The following CFAP53 variants were observed in gnomAD, a reference collection of about 807,000 sequenced individuals.
The protein encoded by CFAP53 is cilia and flagella associated protein 53, also known as cilia- and flagella-associated protein 53.
In CFAP53, 62 loss-of-function variants were observed where a neutral mutation model predicts 59.7. That is an observed-to-expected ratio of 1.04 (90% confidence interval 0.85 to 1.28). The LOEUF (loss-of-function observed/expected upper bound fraction) is 1.28, where lower values mean the gene tolerates loss of function less well. Ranked by LOEUF, CFAP53 falls within the 50% of genes most tolerant of loss-of-function variation. The pLI, the probability that CFAP53 is intolerant of heterozygous loss-of-function variation, is 0.00. For missense variants in CFAP53, 629 were observed against 615.6 expected, an observed-to-expected ratio of 1.02 and a Z score of -0.23; for synonymous variants, 218 against 205.7, an observed-to-expected ratio of 1.06 and a Z score of -0.51.
At chr18:50,258,790 C>T (rs2033866934) in intron 3 of CFAP53, among the ~76,000 whole-genome samples, 1 of 152,058 alleles carries the variant, frequency 6.6e-6, no homozygotes, top group South Asian at 2.1e-4. Context: ...AAAAAATGGA[C>T]AAAAGATTTC....
At chr18:50,258,032 G>A (rs1185491176) in intron 3 of CFAP53, among the ~76,000 whole-genome samples, 15 of 151,974 alleles carry the variant, frequency 9.9e-5, no homozygotes, top group Admixed American at 8.5e-4. Flanking sequence ...CTCCAGGCTG[G>A]ACAACTGAGT....
intron 5 of CFAP53, among the ~76,000 whole-genome samples, chr18:50,243,536 TCAA>T (rs1455551346): frequency 6.6e-6 from 1 of 152,244 alleles, no homozygotes; most frequent in Non-Finnish European, 1.5e-5. Context: ...CCTAATCTGA[TCAA>T]CAAAATAAGT....
intron 3 of CFAP53, among the ~76,000 whole-genome samples, chr18:50,253,906 A>G (rs2033823773): frequency 6.6e-6 from 1 of 152,162 alleles, no homozygotes; most frequent in African/African-American, 2.4e-5. Context: ...ACACCCCAAA[A>G]CAAACCCTCG....
chr18:50,250,021 C>T (rs2033782199), intron 5 of CFAP53, among the ~76,000 whole-genome samples: 1 of 151,938 alleles, frequency 6.6e-6, no homozygotes, highest in Non-Finnish European at 1.5e-5. Flanking sequence ...CCACTCCAGA[C>T]CAGGCTGGGC....
chr18:50,251,682 CCTGCTCAG>C lies in CFAP53; in HGVS notation c.568_575del (p.Leu190AlafsTer70), dbSNP rs769454158. The C allele has an allele frequency of 6.2e-7, 1 of 1,614,250 alleles. No homozygotes were observed. Among genetic ancestry groups the C allele is most frequent in the Admixed American group, 1.7e-5 (1 of 60,030 alleles). ...ACATCTGCTCTTCCACCAGCTTTTG[CCTGCTCAG>C]CTCCTCATTAAATGCAATCTGTGCT... On this transcript the variant is annotated frameshift_variant, in exon 4 of 8. Coordinates refer to ENST00000398545, the MANE Select transcript of CFAP53 (RefSeq NM_145020.5). LOFTEE classifies it high-confidence loss of function.
chr18:50,227,901 T>C (rs1178467153), intron 7 of CFAP53, among the ~76,000 whole-genome samples: 2 of 151,572 alleles, frequency 1.3e-5, no homozygotes, highest in South Asian at 2.1e-4. Context: ...CCCTTACTCT[T>C]CTCTATGGGT....
chr18:50,227,312 G>C lies in CFAP53; in HGVS notation c.*69C>G. The C allele has an allele frequency of 3.3e-6, 4 of 1,222,338 alleles. No homozygotes were observed. Among genetic ancestry groups the C allele is most frequent in the Non-Finnish European group, 4.7e-6 (4 of 859,884 alleles). 75.7% of individuals were successfully genotyped at this position (1,222,338 alleles called of 1,614,324 possible). A position where few individuals can be genotyped will look rare whatever the true frequency, so the allele number is the denominator to read the frequency against. On this transcript the variant is annotated 3_prime_UTR_variant, in exon 8 of 8. Transcript: ENST00000398545. ...AGAAAAGTTTATCCAGGAGTTAAAA[G>C]AAGCATACAAGCATACTGTAGTTAA...
At position 50,251,483 on chromosome 18, in the gene CFAP53, C is replaced by T. The variant is rs1159879676; in HGVS notation, c.775G>A (p.Val259Met). The change falls in exon 4 of 8, where the codon GTG becomes ATG. Residue 259 changes from valine to methionine, a missense_variant and splice_region_variant. Transcript: ENST00000398545. ...QLLKEEEARL[V>M]ESNNAQIKHE... is the part of the protein sequence containing the mutation. ...TAACAAGCATTTTAAAGGCCCACCA[C>T]AAGGCGTGCCTCCTCTTCCTTCAGC... is the stretch of plus-strand genomic sequence containing the variant. 3.7e-6 allele frequency: 6 copies of T among 1,611,766 alleles called. No individual in the cohort carries two copies. The highest frequency in any genetic ancestry group is 5.1e-6 in the Non-Finnish European group (6 of 1,179,396).
intron 1 of CFAP53, 106 bp from the exon 2 acceptor site, chr18:50,262,325 T>C: frequency 1.2e-6 from 1 of 867,748 alleles, no homozygotes; most frequent in South Asian, 1.7e-5. Context: ...AAATTGGGTA[T>C]AAAAAACTAA....
rs892726956 is a variant in CFAP53 at position 50,247,917 on chromosome 18, A to G, written c.996+2841T>C. Among the ~76,000 whole-genome samples, 8 of 152,344 alleles carry G rather than the reference A, an allele frequency of 5.3e-5. No individual in the cohort carries two copies. In the East Asian group the frequency reaches 1.5e-3, roughly 29 times the overall value. On this transcript the variant is annotated intron_variant, in intron 5 of 7. Coordinates refer to ENST00000398545, the MANE Select transcript of CFAP53 (RefSeq NM_145020.5). ...AAAATCCACTGAATTGTATGGTTTA[A>G]ACTGGGGAACTGGATGTTATGTGAA... is the stretch of plus-strand genomic sequence containing the variant.
chr18:50,237,379 C>T (rs74934782), intron 7 of CFAP53, among the ~76,000 whole-genome samples: 2 of 61,078 alleles, frequency 3.3e-5, no homozygotes, highest in East Asian at 5.1e-4. Context: ...CACACACACA[C>T]ACACATACAC....
At chr18:50,251,391 G>A in intron 4 of CFAP53, 90 bp downstream of exon 4, 2 of 1,145,942 alleles carry the variant, frequency 1.7e-6, no homozygotes, top group South Asian at 1.5e-5. Context: ...ACTAGCCCAG[G>A]CCATCAGACA....
At chr18:50,257,205 C>T (rs2033854091) in intron 3 of CFAP53, among the ~76,000 whole-genome samples, 1 of 151,998 alleles carries the variant, frequency 6.6e-6, no homozygotes, top group South Asian at 2.1e-4. Flanking sequence ...AGAGATGTAT[C>T]TGAAAAAAGG....
chr18:50,234,155 A>T (rs1285503109), intron 7 of CFAP53, among the ~76,000 whole-genome samples: 1 of 152,220 alleles, frequency 6.6e-6, no homozygotes, highest in Non-Finnish European at 1.5e-5. Flanking sequence ...GCTATATGAC[A>T]ACAATGACAA....
chr18:50,245,598 G>A (rs974703490), intron 5 of CFAP53, among the ~76,000 whole-genome samples: 2 of 152,066 alleles, frequency 1.3e-5, no homozygotes, highest in Non-Finnish European at 1.5e-5. Flanking sequence ...AAACATTATT[G>A]AAAGAAATTA....
chr18:50,251,438 C>T, intron 4 of CFAP53, 43 bp downstream of exon 4: 3 of 1,544,348 alleles, frequency 1.9e-6, no homozygotes. Flanking sequence ...TGTACTACAC[C>T]CATGGCGTTG....
At position 50,251,732 on chromosome 18, in the gene CFAP53, CCTT is replaced by C; in HGVS notation, c.523_525del (p.Lys175del). Reference sequence around the variant, plus strand: ...ATCTGTGCTTTCCGCTCCTCACACACCTTCTTCTGATGGATAGATAACAATTCA... The same window carrying C: ...ATCTGTGCTTTCCGCTCCTCACACACCTTCTGATGGATAGATAACAATTCA... On this transcript the variant is annotated inframe_deletion, in exon 4 of 8. Transcript: ENST00000398545. 1 of 1,614,236 alleles carries C rather than the reference CCTT, an allele frequency of 6.2e-7. No individual in the cohort carries two copies.
chr18:50,238,478 C>G, intron 7 of CFAP53, 125 bp downstream of exon 7: 1 of 602,976 alleles, frequency 1.7e-6, no homozygotes, highest in Non-Finnish European at 2.9e-6. Flanking sequence ...TCTCAAACTC[C>G]TGGCTTCAAG....
intron 1 of CFAP53, 72 bp downstream of exon 1, chr18:50,266,264 G>A (rs1318776925): frequency 6.9e-7 from 1 of 1,459,102 alleles, no homozygotes; most frequent in Non-Finnish European, 9.6e-7. Flanking sequence ...GGGCCGAAGT[G>A]GGATAGGCCA....
Sources: allele counts gnomAD v4.1 joint callset (sites outside exome capture counted in the v4.1 genomes callset), GRCh38; gene constraint gnomAD v4.1.1; transcripts MANE v1.5; gene names NCBI Gene and HGNC (gene_info 2026-07-23, HGNC 2026-07-21).